The following ZFHX3 variants were observed in gnomAD, a reference collection of about 807,000 sequenced individuals.
ZFHX3 encodes the protein zinc finger homeobox protein 3.
Under a neutral mutation model 279.1 loss-of-function variants are expected in ZFHX3, and 42 were observed. The observed-to-expected ratio is 0.15, with a 90% CI of 0.12 to 0.19. The LOEUF is 0.19. Ranked by LOEUF, ZFHX3 falls within the 10% of genes least tolerant of loss-of-function variation. The pLI is 1.00. For synonymous variants in ZFHX3, 2,293 were observed against 1,957.8 expected (o/e 1.17, Z -4.52); for missense variants, 4,981 against 4,754.0 (o/e 1.05, Z -1.40).
chr16:73,288,820 A>T (rs1221048359), intron 4 of ZFHX3, among the ~76,000 whole-genome samples: 1 of 151,812 alleles, frequency 6.6e-6, no homozygotes, highest in Non-Finnish European at 1.5e-5. Context: ...CACATGGATT[A>T]TTTAGAATTT....
chr16:73,786,405 A>T (rs371120519), intron 1 of ZFHX3, among the ~76,000 whole-genome samples: 18 of 152,302 alleles, frequency 1.2e-4, no homozygotes, highest in Admixed American at 6.5e-4. Context: ...AGACACATAA[A>T]AAAAAACTGT....
At chr16:73,744,224 C>A (rs990387322) in intron 1 of ZFHX3, among the ~76,000 whole-genome samples, 1 of 152,224 alleles carries the variant, frequency 6.6e-6, no homozygotes, top group Non-Finnish European at 1.5e-5. Context: ...TTAATTTACG[C>A]TCATTATCTA....
intron 1 of ZFHX3, among the ~76,000 whole-genome samples, chr16:72,990,011 G>C (rs1597061623): frequency 6.6e-6 from 1 of 152,142 alleles, no homozygotes; most frequent in Non-Finnish European, 1.5e-5. Flanking sequence ...CAATTCGCTG[G>C]CCCTCTCTAG....
At chr16:73,365,974 C>G (rs778909850) in intron 3 of ZFHX3, among the ~76,000 whole-genome samples, 1 of 152,022 alleles carries the variant, frequency 6.6e-6, no homozygotes, top group Non-Finnish European at 1.5e-5. Context: ...ATCAAAGGTA[C>G]AAGAGAAAAC....
intron 2 of ZFHX3, among the ~76,000 whole-genome samples, chr16:73,467,355 A>G (rs867662911): frequency 3.9e-5 from 6 of 152,206 alleles, no homozygotes; most frequent in African/African-American, 1.4e-4. Flanking sequence ...GAGAAGCCCT[A>G]CCTATGTGGA....
chr16:73,385,056 T>C (rs1427579472), intron 3 of ZFHX3, among the ~76,000 whole-genome samples: 2 of 152,100 alleles, frequency 1.3e-5, no homozygotes, highest in Non-Finnish European at 2.9e-5. Flanking sequence ...ACGCATTTCA[T>C]GACGCTAAGA....
intron 4 of ZFHX3, among the ~76,000 whole-genome samples, chr16:72,884,560 TG>T (rs1344518414): frequency 6.6e-6 from 1 of 152,112 alleles, no homozygotes; most frequent in Non-Finnish European, 1.5e-5. Context: ...ATTACATGCA[TG>T]TAAAATTTGG....
intron 1 of ZFHX3, among the ~76,000 whole-genome samples, chr16:73,045,201 C>T (rs1965249832): frequency 6.6e-6 from 1 of 152,194 alleles, no homozygotes; most frequent in South Asian, 2.1e-4. Flanking sequence ...ACAATAAGGA[C>T]ATGTTTCCTG....
intron 1 of ZFHX3, among the ~76,000 whole-genome samples, chr16:73,859,465 T>C (rs915563314): frequency 5.9e-5 from 9 of 152,230 alleles, no homozygotes; most frequent in Non-Finnish European, 1.3e-4. Context: ...AATGGAAGTC[T>C]GTAGATCATT....
chr16:73,270,496 G>A (rs918472459), intron 4 of ZFHX3, among the ~76,000 whole-genome samples: 1 of 152,106 alleles, frequency 6.6e-6, no homozygotes, highest in Non-Finnish European at 1.5e-5. Flanking sequence ...CCCAGCCCAG[G>A]GTCAAACACA....
At chr16:73,093,361 C>A (rs1966113715) in exon 8 of ZFHX3, 1 of 412,782 alleles carries the variant, frequency 2.4e-6, no homozygotes. Flanking sequence ...CGTCTGAAAG[C>A]CACAGGGGAC....
intron 2 of ZFHX3, among the ~76,000 whole-genome samples, chr16:73,647,577 G>T (rs1484437368): frequency 1.3e-5 from 2 of 152,174 alleles, no homozygotes; most frequent in African/African-American, 4.8e-5. Context: ...CTGTGGAACT[G>T]TGAGTCAATT....
chr16:72,798,902 A>C (rs555274162), intron 8 of ZFHX3, among the ~76,000 whole-genome samples, 188 bp from the exon 9 acceptor site: 38 of 152,336 alleles, frequency 2.5e-4, no homozygotes, highest in Non-Finnish European at 1.5e-5. Context: ...AATAGAGCAC[A>C]TATTATAAAC....
intron 3 of ZFHX3, among the ~76,000 whole-genome samples, chr16:72,931,541 C>T (rs1218940209): frequency 2.1e-5 from 3 of 142,040 alleles, no homozygotes; most frequent in Non-Finnish European, 4.5e-5. Context: ...AACGTACCGA[C>T]AGGGAAGAGG....
At chr16:72,935,879 C>G (rs1011144716) in intron 3 of ZFHX3, among the ~76,000 whole-genome samples, 1 of 151,938 alleles carries the variant, frequency 6.6e-6, no homozygotes, top group Non-Finnish European at 1.5e-5. Flanking sequence ...TACAACTAAG[C>G]AGAGAAGAAA....
At chr16:73,643,073 T>G (rs1307939576) in intron 2 of ZFHX3, among the ~76,000 whole-genome samples, 1 of 152,048 alleles carries the variant, frequency 6.6e-6, no homozygotes, top group Non-Finnish European at 1.5e-5. Context: ...ATAAAAGGAG[T>G]GCTAAGCATA....
intron 1 of ZFHX3, among the ~76,000 whole-genome samples, chr16:73,723,885 C>T (rs1040502692): frequency 6.6e-6 from 1 of 152,078 alleles, no homozygotes; most frequent in Non-Finnish European, 1.5e-5. Flanking sequence ...ACCCAGGACA[C>T]CCTGATTATT....
chr16:73,260,292 G>A (rs1302796748), intron 4 of ZFHX3, among the ~76,000 whole-genome samples: 3 of 152,168 alleles, frequency 2.0e-5, no homozygotes, highest in African/African-American at 7.2e-5. Flanking sequence ...CTTGGTTAGA[G>A]TGGTGTCTGC....
intron 3 of ZFHX3, among the ~76,000 whole-genome samples, chr16:72,897,842 T>G (rs533967792): frequency 6.6e-6 from 1 of 151,714 alleles, no homozygotes; most frequent in South Asian, 2.1e-4. Flanking sequence ...ACATGACTCC[T>G]GCAAGGTCAC....
Sources: allele counts gnomAD v4.1 joint callset (sites outside exome capture counted in the v4.1 genomes callset), GRCh38; gene constraint gnomAD v4.1.1; transcripts MANE v1.5; gene names NCBI Gene and HGNC (gene_info 2026-07-23, HGNC 2026-07-21).